Variants in ADGB observed in about 807,000 individuals in gnomAD.
The protein encoded by ADGB is calpain-7-like protein.
A neutral mutation model predicts 210.5 loss-of-function variants in ADGB; 172 were observed. The ratio of observed to expected loss-of-function variants is 0.82; its 90% CI spans 0.72 to 0.93. The LOEUF (loss-of-function observed/expected upper bound fraction) is 0.93, where lower values mean the gene tolerates loss of function less well. ADGB is among the 40% of genes least tolerant of loss of function. The probability of loss-of-function intolerance (pLI) is 0.00; values close to 1 mark genes in which losing one functional copy is unlikely to be tolerated. For missense variants in ADGB, 2,025 were observed against 1,964.8 expected (o/e 1.03, Z -0.58); for synonymous variants, 658 against 662.7 (o/e 0.99, Z 0.11).
chr6:146,760,802 A>G (rs1353589863), intron 27 of ADGB, among the ~76,000 whole-genome samples: 1 of 151,880 alleles, frequency 6.6e-6, no homozygotes, highest in Non-Finnish European at 1.5e-5. Flanking sequence ...TCTAGCTTAT[A>G]TATTGTACTA....
At chr6:146,813,344 G>C (rs1468758760) in intron 35 of ADGB, among the ~76,000 whole-genome samples, 1 of 152,102 alleles carries the variant, frequency 6.6e-6, no homozygotes, top group Non-Finnish European at 1.5e-5. Flanking sequence ...ATGGATATTA[G>C]GGTCCGTTGG....
At position 146,740,564 on chromosome 6, in the gene ADGB, G is replaced by T. The variant is rs953411915; in HGVS notation, c.2994G>T (p.Gln998His). 1.3e-6 allele frequency: 2 copies of T among 1,550,694 alleles called. No individual in the cohort carries two copies. Among genetic ancestry groups the T allele is most frequent in the African/African-American group, 2.7e-5 (2 of 73,016 alleles). The stretch of plus-strand genomic sequence containing the variant: ...ATTATACTGTGACTTATCAAGAACA[G>T]CCACCAAATTCTTGGTTTATAGTAT... Reference protein sequence around the residue: ...FADYTVTYQEQPPNSWFIVFR... With the variant: ...FADYTVTYQEHPPNSWFIVFR... Residue 998 changes from glutamine to histidine, a missense_variant, in exon 24 of 36, where the codon CAG (glutamine) becomes CAT (histidine). Transcript: ENST00000397944.
chr6:146,791,217 C>T (rs1381849018), intron 33 of ADGB, among the ~76,000 whole-genome samples: 1 of 152,252 alleles, frequency 6.6e-6, no homozygotes, highest in South Asian at 2.1e-4. Context: ...TCTATTTTTA[C>T]TTTTGTTTCT....
intron 22 of ADGB, among the ~76,000 whole-genome samples, 167 bp from the exon 23 acceptor site, chr6:146,736,331 T>C (rs1777078477): frequency 6.6e-6 from 1 of 152,142 alleles, no homozygotes; most frequent in African/African-American, 2.4e-5. Flanking sequence ...GACTAGAAGT[T>C]TGTAGCTCAT....
chr6:146,636,559 A>AT (rs571738373), intron 2 of ADGB, among the ~76,000 whole-genome samples: 1 of 151,950 alleles, frequency 6.6e-6, no homozygotes, highest in Admixed American at 6.6e-5. Flanking sequence ...TATTCTATGT[A>AT]TTTTTTTCAG....
rs1280964704 is a variant in ADGB, at chr6:146,733,161, A to C, written c.2562A>C (p.Gln854His). Residue 854 changes from glutamine to histidine, a missense_variant, in exon 21 of 36, where the codon CAA becomes CAC. Gln to His is a conservative substitution (Grantham distance 24, BLOSUM62 0). Transcript: ENST00000397944. ...TATGGCGTTTAATGAAAAAAGTTCA[A>C]ATAACAAAACCTCCTCCAAACTTCA... ...LSLWRLMKKV[Q>H]ITKPPPNFKF... 1.3e-6 allele frequency: 2 copies of C among 1,535,760 alleles called. No individual in the cohort carries two copies. The highest frequency in any genetic ancestry group is 4.0e-5 in the Admixed American group (2 of 49,596).
chr6:146,732,413 C>T (rs75806058), intron 20 of ADGB, among the ~76,000 whole-genome samples: 1,793 of 152,170 alleles, frequency 0.012, 12 homozygotes, highest in South Asian at 0.024. Context: ...GTTTCTGCTG[C>T]GGGTAGGTTA....
At chr6:146,811,255 G>A (rs1443240077) in intron 35 of ADGB, among the ~76,000 whole-genome samples, 1 of 151,934 alleles carries the variant, frequency 6.6e-6, no homozygotes, top group Non-Finnish European at 1.5e-5. Flanking sequence ...TTACAAAATG[G>A]CATTTTTTAA....
chr6:146,729,301 G>C (rs1271162261), intron 20 of ADGB, among the ~76,000 whole-genome samples: 2 of 152,082 alleles, frequency 1.3e-5, no homozygotes, highest in African/African-American at 4.8e-5. Flanking sequence ...TGACATTTTG[G>C]GTCAAATAAT....
At chr6:146,799,282 A>C (rs1416583590) in intron 33 of ADGB, among the ~76,000 whole-genome samples, 1 of 152,030 alleles carries the variant, frequency 6.6e-6, no homozygotes, top group Non-Finnish European at 1.5e-5. Flanking sequence ...CCTAGAAAAT[A>C]CAGTCAGACA....
intron 1 of ADGB, among the ~76,000 whole-genome samples, chr6:146,622,575 G>A (rs1385044357): frequency 6.6e-6 from 1 of 152,086 alleles, no homozygotes; most frequent in Non-Finnish European, 1.5e-5. Context: ...TTATGTTAGA[G>A]TATTTGATCA....
chr6:146,638,803 A>G (rs952365499), intron 2 of ADGB: 1 of 151,676 alleles, frequency 6.6e-6, no homozygotes, highest in African/African-American at 2.4e-5. Flanking sequence ...CTTGTCTATA[A>G]TCTTAATGTA....
intron 1 of ADGB, among the ~76,000 whole-genome samples, chr6:146,613,065 C>T (rs754527310): frequency 3.9e-5 from 6 of 152,130 alleles, no homozygotes; most frequent in African/African-American, 9.7e-5. Flanking sequence ...TTGTTATAAG[C>T]CCCTTCATTT....
chr6:146,697,273 G>C (rs916218084), intron 12 of ADGB, among the ~76,000 whole-genome samples: 1 of 152,146 alleles, frequency 6.6e-6, no homozygotes, highest in African/African-American at 2.4e-5. Flanking sequence ...GGTGATATGA[G>C]TGCAGGGTAT....
rs181603777 is a variant in ADGB at position 146,707,546 on chromosome 6, G to A, written c.1707+6476G>A. Among the ~76,000 whole-genome samples, 69 of 152,028 alleles carry A rather than the reference G, an allele frequency of 4.5e-4. No individual in the cohort carries two copies. The East Asian group carries it at 8.7e-3, about 19-fold the overall frequency. ...GGATGCATACATATTTATAATTATT[G>A]TATCCTGTTAAGAAATTGACACCTT... On this transcript the variant is annotated intron_variant, in intron 13 of 35. Coordinates refer to ENST00000397944, the MANE Select transcript of ADGB (RefSeq NM_024694.4).
chr6:146,793,955 T>G (rs1250552547), intron 33 of ADGB, among the ~76,000 whole-genome samples: 1 of 152,210 alleles, frequency 6.6e-6, no homozygotes, highest in Non-Finnish European at 1.5e-5. Context: ...TGTTATTTCT[T>G]GCAAACTGTC....
intron 5 of ADGB, among the ~76,000 whole-genome samples, chr6:146,657,320 C>CA (rs59612556): frequency 6.5e-4 from 92 of 142,370 alleles, no homozygotes; most frequent in East Asian, 4.9e-3. Flanking sequence ...AGCAAAACTC[C>CA]AAAAAAAAAA....
chr6:146,698,310 G>A (rs555333538), intron 12 of ADGB, among the ~76,000 whole-genome samples: 6 of 152,186 alleles, frequency 3.9e-5, no homozygotes, highest in African/African-American at 1.4e-4. Context: ...CACATATAAT[G>A]GCCATTAAAT....
intron 8 of ADGB, among the ~76,000 whole-genome samples, chr6:146,674,680 G>T (rs1432565467): frequency 6.6e-6 from 1 of 152,150 alleles, no homozygotes; most frequent in African/African-American, 2.4e-5. Context: ...TAAAATAGAT[G>T]TGGCAAGGTT....
Sources: allele counts gnomAD v4.1 joint callset (sites outside exome capture counted in the v4.1 genomes callset), GRCh38; gene constraint gnomAD v4.1.1; transcripts MANE v1.5; gene names NCBI Gene and HGNC (gene_info 2026-07-23, HGNC 2026-07-21).